Variants in MYOM1 observed in about 807,000 individuals in gnomAD.
The protein encoded by MYOM1 is myomesin 1.
In MYOM1, 164 loss-of-function variants were observed where a neutral mutation model predicts 205.3. The observed-to-expected ratio is 0.80, with a 90% CI of 0.70 to 0.91. The LOEUF is 0.91. Among genes scored for constraint, MYOM1 ranks in the 40% least tolerant of loss-of-function variants. The pLI is 0.00. For synonymous variants in MYOM1, 772 were observed against 789.4 expected (o/e 0.98, Z 0.37); for missense variants, 2,011 against 2,127.3 (o/e 0.95, Z 1.08).
At chr18:3,190,285 C>G (rs546970243) in intron 3 of MYOM1, 1 of 152,270 alleles carries the variant, frequency 6.6e-6, no homozygotes, top group African/African-American at 2.4e-5. Flanking sequence ...ATCGAAGATT[C>G]TCTTGACATT....
At chr18:3,118,011 C>G (rs1307497225) in intron 20 of MYOM1, among the ~76,000 whole-genome samples, 1 of 152,076 alleles carries the variant, frequency 6.6e-6, no homozygotes, top group Non-Finnish European at 1.5e-5. Context: ...GTATCCCTGC[C>G]CTACAGATGA....
intron 9 of MYOM1, 78 bp downstream of exon 9, chr18:3,168,739 G>A (rs2080509083): frequency 1.4e-6 from 2 of 1,474,622 alleles, no homozygotes; most frequent in Admixed American, 3.8e-5. Context: ...GATTCCACCA[G>A]CTCCGATAAA....
At chr18:3,230,605 C>T in the MYOM1 span, among the ~76,000 whole-genome samples, 1 of 152,196 alleles carries the variant, frequency 6.6e-6, no homozygotes, top group African/African-American at 2.4e-5. Context: ...AACTTTGTAA[C>T]CTTGCTTCAG....
intron 20 of MYOM1, among the ~76,000 whole-genome samples, chr18:3,118,457 T>C: frequency 6.6e-6 from 1 of 152,070 alleles, no homozygotes; most frequent in Admixed American, 6.6e-5. Flanking sequence ...GCAATCCTCC[T>C]GAGTAGCTGG....
intron 12 of MYOM1, among the ~76,000 whole-genome samples, chr18:3,150,979 CTTTTT>C (rs1164882266): frequency 5.4e-5 from 3 of 55,924 alleles, no homozygotes; most frequent in African/African-American, 1.4e-4. Context: ...CCATGCCTGG[CTTTTT>C]TTTTTTTTTT....
At chr18:3,107,819 T>C (rs1479976915) in intron 22 of MYOM1, among the ~76,000 whole-genome samples, 1 of 152,198 alleles carries the variant, frequency 6.6e-6, no homozygotes. Flanking sequence ...AGAAGGTTAG[T>C]TTATAGTTTA....
intron 11 of MYOM1, among the ~76,000 whole-genome samples, chr18:3,154,273 T>C (rs1172249935): frequency 6.6e-6 from 1 of 152,026 alleles, no homozygotes; most frequent in Non-Finnish European, 1.5e-5. Flanking sequence ...AAAAAATTCA[T>C]CTTTGGAATT....
At chr18:3,121,878 G>T (rs1439743522) in intron 19 of MYOM1, among the ~76,000 whole-genome samples, 1 of 152,198 alleles carries the variant, frequency 6.6e-6, no homozygotes, top group Non-Finnish European at 1.5e-5. Flanking sequence ...CAGCACTTTG[G>T]GAGGCCGAGG....
intron 34 of MYOM1, among the ~76,000 whole-genome samples, chr18:3,076,859 A>G (rs62074881): frequency 0.78 from 118,389 of 151,568 alleles, 46,415 homozygotes; most frequent in Admixed American, 0.84. Context: ...GACTTCAGGC[A>G]CCCACCACCA....
chr18:3,208,019 CT>C (rs1343647682), intron 2 of MYOM1, among the ~76,000 whole-genome samples: 3 of 152,318 alleles, frequency 2.0e-5, no homozygotes, highest in Admixed American at 2.0e-4. Flanking sequence ...ATTATATGAA[CT>C]TTTGGTCCTT....
chr18:3,091,155 A>G (rs2079220427), intron 26 of MYOM1, among the ~76,000 whole-genome samples: 1 of 152,126 alleles, frequency 6.6e-6, no homozygotes, highest in South Asian at 2.1e-4. Context: ...GTCTCTACTA[A>G]AAACACAAAA....
intron 4 of MYOM1, among the ~76,000 whole-genome samples, chr18:3,187,920 C>CCT (rs2080844697): frequency 1.3e-5 from 2 of 149,460 alleles, no homozygotes; most frequent in African/African-American, 2.5e-5. Flanking sequence ...ATCACTGCAG[C>CCT]CTCTGCCTCC....
In MYOM1 at chr18:3,079,206, G is replaced by A; in HGVS notation, c.4621C>T (p.Gln1541Ter). 6 of 1,613,862 alleles carry A rather than the reference G, an allele frequency of 3.7e-6. No individual in the cohort carries two copies. Among genetic ancestry groups the A allele is most frequent in the Non-Finnish European group, 5.1e-6 (6 of 1,179,854 alleles). ...TGTCCAGAGAGATCCACTGTCTTCTGATGTCCAGTTTTGCCATCAAAGAGC... is the reference window on the plus strand; with the variant it reads ...TGTCCAGAGAGATCCACTGTCTTCTAATGTCCAGTTTTGCCATCAAAGAGC... ...MELFDGKTGH[Q>*]KTVDLSGQAY... Residue 1541 changes from glutamine (Q) to a stop codon, truncating the protein, a stop_gained, in exon 34 of 38, where the codon CAG (glutamine) becomes TAG (stop). Transcript: ENST00000356443. LOFTEE classifies it high-confidence loss of function.
chr18:3,155,310 C>A (rs1200248924), intron 10 of MYOM1, among the ~76,000 whole-genome samples: 10 of 152,326 alleles, frequency 6.6e-5, no homozygotes, highest in Non-Finnish European at 1.2e-4. Flanking sequence ...CAAGCTCCAC[C>A]TCCCGGGTTC....
chr18:3,123,111 C>G (rs973067889), intron 19 of MYOM1, among the ~76,000 whole-genome samples: 1 of 152,182 alleles, frequency 6.6e-6, no homozygotes, highest in Non-Finnish European at 1.5e-5. Flanking sequence ...CAGGTGTGAG[C>G]CACCATGCCC....
At position 3,189,836 on chromosome 18, in the gene MYOM1, G is replaced by A. The variant is rs570044467; in HGVS notation, c.432-749C>T. Among the ~76,000 whole-genome samples the A allele has an allele frequency of 1.3e-5, 2 of 152,170 alleles. No individual in the cohort carries two copies. Among genetic ancestry groups the A allele is most frequent in the Non-Finnish European group, 2.9e-5 (2 of 68,036 alleles). On this transcript the variant is annotated intron_variant, in intron 3 of 37. Transcript: ENST00000356443. The surrounding 1 kb of genome is among the most constrained non-coding windows in gnomAD (Gnocchi z 4.8). Reference sequence around the variant, plus strand: ...TATTGTCAAATGAGATCTAGTTTGTGTGCCTGTGACCCTGATACATGAGTA... The same window carrying A: ...TATTGTCAAATGAGATCTAGTTTGTATGCCTGTGACCCTGATACATGAGTA...
At chr18:3,095,334 C>CCAAGTAT (rs1380432219) in intron 25 of MYOM1, among the ~76,000 whole-genome samples, 3 of 152,120 alleles carry the variant, frequency 2.0e-5, no homozygotes, top group African/African-American at 2.4e-5. Flanking sequence ...TTGGGGAGGC[C>CCAAGTAT]GAGGGGGGCA....
chr18:3,158,967 T>C (rs1285536358), intron 10 of MYOM1, among the ~76,000 whole-genome samples: 1 of 152,210 alleles, frequency 6.6e-6, no homozygotes, highest in Non-Finnish European at 1.5e-5. Flanking sequence ...CATACACTTA[T>C]TTGCCATTTT....
At chr18:3,076,280 G>A (rs1484744655) in intron 34 of MYOM1, among the ~76,000 whole-genome samples, 1 of 152,044 alleles carries the variant, frequency 6.6e-6, no homozygotes, top group African/African-American at 2.4e-5. Context: ...TTTGGGCAGG[G>A]TGGTCTCAAA....
Sources: gnomAD v4.1 joint callset for allele counts (sites outside exome capture counted in the v4.1 genomes callset) on GRCh38, gnomAD v4.1.1 for gene constraint, Gnocchi (gnomAD v3.1) non-coding constraint, MANE v1.5 for transcripts, NCBI Gene and HGNC (gene_info 2026-07-23, HGNC 2026-07-21) for gene names.